NEDD4L: variants seen among roughly 807,000 people sequenced by gnomAD.
NEDD4L encodes NEDD4 like E3 ubiquitin protein ligase.
Under a neutral mutation model 148.9 loss-of-function variants are expected in NEDD4L, and 54 were observed. That is an observed-to-expected ratio of 0.36 (90% CI 0.29 to 0.45). The LOEUF (loss-of-function observed/expected upper bound fraction) is 0.45. Ranked by LOEUF, NEDD4L falls within the 20% of genes least tolerant of loss-of-function variation. The probability of loss-of-function intolerance (pLI) is 1.00; values close to 1 mark genes in which losing one functional copy is unlikely to be tolerated. For synonymous variants in NEDD4L, 433 were observed against 440.7 expected (o/e 0.98, Z 0.22); for missense variants, 856 against 1,233.8 (o/e 0.69, Z 4.59).
intron 1 of NEDD4L, among the ~76,000 whole-genome samples, chr18:58,145,898 T>C (rs1002079314): frequency 2.4e-5 from 2 of 82,790 alleles, no homozygotes; most frequent in African/African-American, 6.8e-5. Flanking sequence ...AAAATGTACA[T>C]TTTTTTAAAA....
chr18:58,221,420 TA>T, intron 2 of NEDD4L: 1 of 302,888 alleles, frequency 3.3e-6, no homozygotes, highest in Non-Finnish European at 4.9e-6. Context: ...GGTGATGATG[TA>T]AGCTAATTGC....
intron 1 of NEDD4L, among the ~76,000 whole-genome samples, chr18:58,049,165 C>G (rs1247567171): frequency 6.6e-6 from 1 of 152,206 alleles, no homozygotes; most frequent in Non-Finnish European, 1.5e-5. Context: ...TATCCCCAAT[C>G]ATTCAGTACT....
intron 5 of NEDD4L, among the ~76,000 whole-genome samples, chr18:58,273,901 C>T (rs1320899528): frequency 2.6e-5 from 4 of 152,176 alleles, no homozygotes; most frequent in Admixed American, 6.5e-5. Flanking sequence ...AGAGCAAAGA[C>T]GGCCATGGAT....
At chr18:58,047,359 A>G (rs1027626652) in intron 1 of NEDD4L, 1 of 985,172 alleles carries the variant, frequency 1.0e-6, no homozygotes, top group Non-Finnish European at 1.2e-6. Context: ...TTTGGAGTGC[A>G]CTTAGTTATG....
chr18:58,352,918 C>G (rs775449903), intron 18 of NEDD4L, among the ~76,000 whole-genome samples: 3 of 152,168 alleles, frequency 2.0e-5, no homozygotes, highest in Non-Finnish European at 4.4e-5. Flanking sequence ...AACACAATTA[C>G]AAAGGGCTGT....
At chr18:58,283,977 G>A (rs2053551068) in intron 5 of NEDD4L, among the ~76,000 whole-genome samples, 1 of 152,156 alleles carries the variant, frequency 6.6e-6, no homozygotes, top group South Asian at 2.1e-4. Context: ...CAGAGATCAG[G>A]TGATGCTTCT....
intron 1 of NEDD4L, among the ~76,000 whole-genome samples, chr18:58,099,514 A>T (rs756663361): frequency 3.3e-5 from 5 of 152,234 alleles, no homozygotes; most frequent in African/African-American, 4.8e-5. Context: ...GCTGTGTACC[A>T]GCCAGCAGCT....
intron 12 of NEDD4L, among the ~76,000 whole-genome samples, chr18:58,335,057 T>G (rs1283171534): frequency 6.6e-6 from 1 of 152,196 alleles, no homozygotes; most frequent in Non-Finnish European, 1.5e-5. Flanking sequence ...CCCAAAGAAC[T>G]CACTTTCCTG....
intron 1 of NEDD4L, among the ~76,000 whole-genome samples, chr18:58,104,713 A>G (rs1159430131): frequency 6.6e-6 from 1 of 152,154 alleles, no homozygotes; most frequent in Non-Finnish European, 1.5e-5. Flanking sequence ...CTTTGACAAA[A>G]TTTTTAAGAA....
chr18:58,262,124 C>G (rs549634795), intron 5 of NEDD4L, among the ~76,000 whole-genome samples: 1 of 152,236 alleles, frequency 6.6e-6, no homozygotes, highest in Non-Finnish European at 1.5e-5. Flanking sequence ...ACCAAAACAG[C>G]CTTCACCTGC....
At chr18:58,192,923 CACTTCTGATCAT>C (rs2040272696) in intron 2 of NEDD4L, among the ~76,000 whole-genome samples, 6 of 152,204 alleles carry the variant, frequency 3.9e-5, no homozygotes, top group African/African-American at 7.2e-5. Flanking sequence ...CTGCTTTCTT[CACTTCTGATCAT>C]TTTAAACAAT....
At chr18:58,153,465 G>A (rs550461299) in intron 1 of NEDD4L, among the ~76,000 whole-genome samples, 7 of 151,130 alleles carry the variant, frequency 4.6e-5, no homozygotes, top group Admixed American at 2.6e-4. Context: ...TCAGCCTCCC[G>A]AGTAGCTGGG....
At chr18:58,072,584 G>T (rs1246971912) in intron 1 of NEDD4L, among the ~76,000 whole-genome samples, 1 of 152,144 alleles carries the variant, frequency 6.6e-6, no homozygotes, top group African/African-American at 2.4e-5. Context: ...TCTACAATTT[G>T]ATAAAGACTG....
At chr18:58,165,925 A>G in intron 2 of NEDD4L, 64 bp downstream of exon 2, 2 of 1,336,744 alleles carry the variant, frequency 1.5e-6, no homozygotes, top group South Asian at 1.3e-5. Context: ...TTTCAAATTC[A>G]GGCACGCATC....
At chr18:58,077,012 G>A (rs374556986) in intron 1 of NEDD4L, among the ~76,000 whole-genome samples, 103 of 151,552 alleles carry the variant, frequency 6.8e-4, no homozygotes, top group African/African-American at 2.3e-3. Flanking sequence ...CACTATACCC[G>A]GCTAATTTTT....
In NEDD4L at chr18:58,390,659, T is replaced by C. The variant is rs1325978327; in HGVS notation, c.2669T>C (p.Met890Thr). ...CTCTGTTCATAGGCTGTGCTACTCA[T>C]GGACGCCGAAAAGCGTATCCGGTTA... Reference protein sequence around the residue: ...IQWFWKAVLLMDAEKRIRLLQ... With the variant: ...IQWFWKAVLLTDAEKRIRLLQ... Residue 890 changes from methionine to threonine, a missense_variant, in exon 29 of 31, where the codon ATG becomes ACG. Coordinates refer to ENST00000400345, the MANE Select transcript of NEDD4L (RefSeq NM_001144967.3). 1.3e-6 allele frequency: 2 copies of C among 1,587,048 alleles called. No homozygotes were observed. The highest frequency in any genetic ancestry group is 1.3e-5 in the African/African-American group (1 of 74,694).
rs1357891769 is a variant in NEDD4L, at chr18:58,397,506, T to G, written c.*1237T>G. On this transcript the variant is annotated 3_prime_UTR_variant, in exon 31 of 31. Coordinates refer to ENST00000400345, the MANE Select transcript of NEDD4L (RefSeq NM_001144967.3). Reference sequence around the variant, plus strand: ...CCTACAGACCTGTCCTCACCAACTGTTTTGTGATTTCTACTCAACTACAAA... The same window carrying G: ...CCTACAGACCTGTCCTCACCAACTGGTTTGTGATTTCTACTCAACTACAAA... The G allele has an allele frequency of 6.6e-6, 1 of 152,260 alleles. No homozygotes were observed. Among genetic ancestry groups the G allele is most frequent in the African/African-American group, 2.4e-5 (1 of 41,460 alleles). 9.4% of individuals were successfully genotyped at this position (152,260 alleles called of 1,614,324 possible). A position where few individuals can be genotyped will look rare whatever the true frequency, so the allele number is the denominator to read the frequency against.
intron 5 of NEDD4L, among the ~76,000 whole-genome samples, chr18:58,276,748 C>T (rs4941374): frequency 0.18 from 27,271 of 151,022 alleles, 2,682 homozygotes; most frequent in East Asian, 0.28. Context: ...TAATAGCTCC[C>T]ACCCATTCCC....
intron 2 of NEDD4L, among the ~76,000 whole-genome samples, chr18:58,197,556 T>A (rs2040865778): frequency 6.6e-6 from 1 of 152,154 alleles, no homozygotes; most frequent in Admixed American, 6.5e-5. Context: ...CTCTCACCTC[T>A]TGCCAAGGGA....
Sources: allele counts gnomAD v4.1 joint callset (sites outside exome capture counted in the v4.1 genomes callset), GRCh38; gene constraint gnomAD v4.1.1; transcripts MANE v1.5; gene names NCBI Gene and HGNC (gene_info 2026-07-23, HGNC 2026-07-21).